The following DAPK1 variants were observed in gnomAD, a reference collection of about 807,000 sequenced individuals.
DAPK1 encodes death-associated protein kinase 1.
DAPK1 carries 56 observed loss-of-function variants against 144.9 expected under a neutral mutation model. That is an observed-to-expected ratio of 0.39 (90% confidence interval 0.31 to 0.48). The LOEUF (loss-of-function observed/expected upper bound fraction) is 0.48. DAPK1 is among the 20% of genes least tolerant of loss of function. The pLI is 0.95. For synonymous variants in DAPK1, 690 were observed against 749.0 expected (o/e 0.92, Z 1.29); for missense variants, 1,454 against 1,875.4 (o/e 0.78, Z 4.15).
At position 87,703,152 on chromosome 9, in the gene DAPK1, C is replaced by G. The variant is rs1351453659; in HGVS notation, c.2995C>G (p.Leu999Val). The G allele has an allele frequency of 6.2e-7, 1 of 1,611,630 alleles. No individual in the cohort carries two copies. The highest frequency in any genetic ancestry group is 2.2e-5 in the East Asian group (1 of 44,858). Reference sequence around the variant, plus strand: ...GTTTGTGTACGACGTGCAGGACCAGCTGAACCCCCTGGCCAGCGAGGAGGA... The same window carrying G: ...GTTTGTGTACGACGTGCAGGACCAGGTGAACCCCCTGGCCAGCGAGGAGGA... ...QQFVYDVQDQ[L>V]NPLASEEDLR... The change falls in exon 25 of 26, where the codon CTG becomes GTG. Residue 999 changes from leucine to valine, a missense_variant. Leu to Val is a conservative substitution (Grantham distance 32). Transcript: ENST00000408954.
intron 2 of DAPK1, among the ~76,000 whole-genome samples, chr9:87,602,781 G>A (rs779873039): frequency 3.3e-5 from 5 of 152,114 alleles, no homozygotes; most frequent in Non-Finnish European, 5.9e-5. Flanking sequence ...TTACAGGCAC[G>A]CGCCACCACA....
At chr9:87,625,607 G>A (rs1829465063) in intron 3 of DAPK1, among the ~76,000 whole-genome samples, 1 of 152,162 alleles carries the variant, frequency 6.6e-6, no homozygotes, top group African/African-American at 2.4e-5. Context: ...CAGTAGTGCT[G>A]GAGACTTCTG....
Position 87,642,069 on chromosome 9 carries a change from T to C in DAPK1, c.918+11T>C, listed in dbSNP as rs776082970. The C allele has an allele frequency of 2.5e-6, 4 of 1,612,428 alleles. No individual in the cohort carries two copies. The highest frequency in any genetic ancestry group is 3.4e-6 in the Non-Finnish European group (4 of 1,178,574). The stretch of plus-strand genomic sequence containing the variant: ...CGGAAAAAATGGAAAGTAAGATTGT[T>C]TGTTGTGGAGGGATTAACAAATTCT... On this transcript the variant is annotated intron_variant, in intron 10 of 25. Coordinates refer to ENST00000408954, the MANE Select transcript of DAPK1 (RefSeq NM_004938.4).
At chr9:87,571,528 C>CACACACACACA (rs55676810) in intron 2 of DAPK1, among the ~76,000 whole-genome samples, 8 of 135,712 alleles carry the variant, frequency 5.9e-5, no homozygotes, top group East Asian at 2.1e-4. Context: ...CACACACACA[C>CACACACACACA]CAGAAGCGAA....
rs1827350036 is a variant in DAPK1, at chr9:87,571,495, C to CAA, written c.63-33459_63-33458insAA. On this transcript the variant is annotated intron_variant, in intron 2 of 25. Coordinates refer to ENST00000408954, the MANE Select transcript of DAPK1 (RefSeq NM_004938.4). ...CACACCAACACACACACACACACAC[C>CAA]CCAACACACACACACACACACACAC... Among the ~76,000 whole-genome samples, 3 of 30,732 alleles carry CAA rather than the reference C, an allele frequency of 9.8e-5. 1 individual carries two copies. Among genetic ancestry groups the CAA allele is most frequent in the African/African-American group, 4.9e-4 (3 of 6,162 alleles). 20.2% of individuals were successfully genotyped at this position (30,732 alleles called of 152,430 possible).
At chr9:87,523,169 A>G (rs774400023) in intron 2 of DAPK1, among the ~76,000 whole-genome samples, 1 of 152,208 alleles carries the variant, frequency 6.6e-6, no homozygotes, top group Non-Finnish European at 1.5e-5. Flanking sequence ...TTGTGCAGCC[A>G]TCACCACTAT....
intron 3 of DAPK1, among the ~76,000 whole-genome samples, chr9:87,633,647 A>G (rs973800852): frequency 3.9e-5 from 6 of 152,082 alleles, no homozygotes; most frequent in Non-Finnish European, 7.4e-5. Context: ...AGGGTTATTC[A>G]TTGTCCTTAC....
rs745756807 is a variant in DAPK1, at chr9:87,681,438, G to C, written c.2036G>C (p.Arg679Pro). The change falls in exon 20 of 26, where the codon CGA (arginine) becomes CCA (proline). Residue 679 changes from arginine to proline, a missense_variant. Coordinates refer to ENST00000408954, the MANE Select transcript of DAPK1 (RefSeq NM_004938.4). Reference sequence around the variant, plus strand: ...CGAGGACTCTTCATCCAGCAGCTCCGACCCACACAGAACCTGCAGCCAAGA... The same window carrying C: ...CGAGGACTCTTCATCCAGCAGCTCCCACCCACACAGAACCTGCAGCCAAGA... ...THRGLFIQQL[R>P]PTQNLQPRIK... is the part of the protein sequence containing the mutation. The C allele has an allele frequency of 7.4e-6, 12 of 1,612,822 alleles. No individual in the cohort carries two copies. Among genetic ancestry groups the C allele is most frequent in the Non-Finnish European group, 1.0e-5 (12 of 1,179,082 alleles).
At position 87,509,830 on chromosome 9, in the gene DAPK1, C is replaced by T. The variant is rs777829196; in HGVS notation, c.62+10691C>T. On this transcript the variant is annotated intron_variant, in intron 2 of 25. Transcript: ENST00000408954. ...GGGAGCTCTTCTGGCGTCAGATGAT[C>T]GCGGTTTCTTTTCCTTCTGCACCAC... is the stretch of plus-strand genomic sequence containing the variant. Among the ~76,000 whole-genome samples the T allele has an allele frequency of 4.6e-5, 7 of 152,294 alleles. No homozygotes were observed. The East Asian group carries it at 7.7e-4, about 17-fold the overall frequency.
intron 2 of DAPK1, among the ~76,000 whole-genome samples, chr9:87,540,015 A>G (rs1825987981): frequency 6.6e-6 from 1 of 152,032 alleles, no homozygotes; most frequent in Admixed American, 6.6e-5. Context: ...TTTAAGTGAG[A>G]AGGTGGAAGT....
chr9:87,642,166 T>G (rs1830121651), intron 10 of DAPK1, 108 bp downstream of exon 10: 1 of 820,356 alleles, frequency 1.2e-6, no homozygotes, highest in South Asian at 1.7e-5. Flanking sequence ...GATACATCCT[T>G]TCCTCTTTTT....
At chr9:87,700,839 T>C (rs1825433821) in intron 24 of DAPK1, among the ~76,000 whole-genome samples, 1 of 152,208 alleles carries the variant, frequency 6.6e-6, no homozygotes, top group Admixed American at 6.5e-5. Context: ...AAGTGACTTA[T>C]TGTGGAATAT....
At chr9:87,701,453 T>C (rs1825448776) in intron 24 of DAPK1, among the ~76,000 whole-genome samples, 1 of 152,136 alleles carries the variant, frequency 6.6e-6, no homozygotes, top group South Asian at 2.1e-4. Context: ...AATGTAAAAA[T>C]TTTTAAAATT....
chr9:87,565,433 CCT>C (rs1298351393), intron 2 of DAPK1, among the ~76,000 whole-genome samples: 1 of 152,094 alleles, frequency 6.6e-6, no homozygotes, highest in African/African-American at 2.4e-5. Context: ...TCCAATGCCC[CCT>C]ATTTTATGGT....
At chr9:87,581,966 A>G (rs1374762511) in intron 2 of DAPK1, among the ~76,000 whole-genome samples, 2 of 152,222 alleles carry the variant, frequency 1.3e-5, no homozygotes, top group African/African-American at 4.8e-5. Flanking sequence ...GTCCTCACAT[A>G]CAGAGTTTGG....
chr9:87,599,579 C>T (rs569479126), intron 2 of DAPK1, among the ~76,000 whole-genome samples: 10 of 152,148 alleles, frequency 6.6e-5, no homozygotes, highest in Non-Finnish European at 1.2e-4. Flanking sequence ...TTGTATGTAT[C>T]TGACCATGAG....
intron 2 of DAPK1, among the ~76,000 whole-genome samples, chr9:87,513,358 A>G (rs912838177): frequency 2.0e-5 from 3 of 152,222 alleles, no homozygotes; most frequent in Non-Finnish European, 2.9e-5. Flanking sequence ...AAGCATGGAA[A>G]AATGTTTTTT....
intron 3 of DAPK1, chr9:87,632,287 G>A: frequency 1.0e-6 from 1 of 983,740 alleles, no homozygotes; most frequent in East Asian, 1.1e-4. Flanking sequence ...GAAGGAGGAT[G>A]AGTACACATG....
At chr9:87,533,885 A>G (rs559065605) in intron 2 of DAPK1, among the ~76,000 whole-genome samples, 1 of 151,986 alleles carries the variant, frequency 6.6e-6, no homozygotes, top group East Asian at 1.9e-4. Context: ...CTGGTCTCAA[A>G]CCCCTGACCT....
Sources: gnomAD v4.1 joint callset for allele counts (sites outside exome capture counted in the v4.1 genomes callset) on GRCh38, gnomAD v4.1.1 for gene constraint, MANE v1.5 for transcripts, NCBI Gene and HGNC (gene_info 2026-07-23, HGNC 2026-07-21) for gene names.